Variants in ARF1 observed in about 807,000 individuals in gnomAD.
ARF1 encodes ADP-ribosylation factor 1.
ARF1 carries 1 observed loss-of-function variant against 18.0 expected under a neutral mutation model. That is an observed-to-expected ratio of 0.06 (90% CI 0.02 to 0.26). The LOEUF is 0.26. Among genes scored for constraint, ARF1 ranks in the 10% least tolerant of loss-of-function variants. ARF1 has a pLI of 1.00. For synonymous variants in ARF1, 112 were observed against 96.3 expected (o/e 1.16, Z -0.95); for missense variants, 73 against 247.2 (o/e 0.30, Z 4.73).
chr1:228,096,937 T>G, intron 1 of ARF1, 141 bp from the exon 2 acceptor site: 1 of 717,986 alleles, frequency 1.4e-6, no homozygotes, highest in Non-Finnish European at 2.2e-6. Flanking sequence ...TTGGGGGGCA[T>G]GGGAGGCAGG....
chr1:228,082,991 C>T lies in ARF1; in HGVS notation c.-38+226C>T, dbSNP rs1418577141. The T allele has an allele frequency of 1.3e-5, 2 of 152,502 alleles. No homozygotes were observed. The highest frequency in any genetic ancestry group is 6.5e-5 in the Admixed American group (1 of 15,292). The allele number at this position is 152,502 out of a possible 1,614,324, so 9.4% of individuals were successfully genotyped here. A position where few individuals can be genotyped will look rare whatever the true frequency, so the allele number is the denominator to read the frequency against. ...CGGGCGGGTCGGTGAGCTCCTCGCA[C>T]CCCTCACAGGTTCCCGAAGTCGCTC... is the stretch of plus-strand genomic sequence containing the variant. On this transcript the variant is annotated intron_variant, in intron 1 of 4. Coordinates refer to ENST00000272102, the MANE Select transcript of ARF1 (RefSeq NM_001658.4). The surrounding 1 kb of genome is among the most constrained non-coding windows in gnomAD (Gnocchi z 6.1).
rs1430291117 is a variant in ARF1 at position 228,098,329 on chromosome 1, C to CG, written c.*317dup. 4.5e-6 allele frequency: 1 copy of CG among 221,776 alleles called. No individual in the cohort carries two copies. Among genetic ancestry groups the CG allele is most frequent in the Non-Finnish European group, 8.8e-6 (1 of 114,182 alleles). The allele number at this position is 221,776 out of a possible 1,614,324, so 13.7% of individuals were successfully genotyped here. ...CCATGGGCACCTGGCCTCCAGGAGT[C>CG]GCTGTGTTGGGAGAGCCGGCCACGC... On this transcript the variant is annotated 3_prime_UTR_variant, in exon 5 of 5. Transcript: ENST00000272102.
In ARF1 at chr1:228,097,309, G is replaced by A. The variant is rs781347783; in HGVS notation, c.149-33G>A. 1 of 1,610,866 alleles carries A rather than the reference G, an allele frequency of 6.2e-7. No homozygotes were observed. The highest frequency in any genetic ancestry group is 1.7e-5 in the Admixed American group (1 of 59,910). On this transcript the variant is annotated intron_variant, in intron 2 of 4. Coordinates refer to ENST00000272102, the MANE Select transcript of ARF1 (RefSeq NM_001658.4). This position sits in a 1 kb window ranked among gnomAD's most constrained non-coding sequence, Gnocchi z 8.1. ...AGTGGGCTGGGCTGGGCTGGGCCAA[G>A]GTACAAGGCCTCACCCTGCATCCCG...
chr1:228,086,271 T>G (rs2032395047), intron 1 of ARF1, among the ~76,000 whole-genome samples: 1 of 152,054 alleles, frequency 6.6e-6, no homozygotes, highest in South Asian at 2.1e-4. Flanking sequence ...ATCCCAGCAC[T>G]TTGGGAGGCT....
chr1:228,087,563 C>T (rs1397886378), intron 1 of ARF1, among the ~76,000 whole-genome samples: 2 of 152,062 alleles, frequency 1.3e-5, no homozygotes, highest in Non-Finnish European at 2.9e-5. Context: ...ATCACTTGAA[C>T]CTAGGAGGTC....
At chr1:228,092,621 T>G (rs2032611105) in intron 1 of ARF1, among the ~76,000 whole-genome samples, 1 of 152,212 alleles carries the variant, frequency 6.6e-6, no homozygotes, top group Admixed American at 6.5e-5. Flanking sequence ...TTCAGGTCAC[T>G]TAGAGATTCT....
At chr1:228,085,171 C>T (rs1475888837) in intron 1 of ARF1, among the ~76,000 whole-genome samples, 2 of 152,228 alleles carry the variant, frequency 1.3e-5, no homozygotes, top group African/African-American at 2.4e-5. Context: ...TCCTCATTGG[C>T]GTGGATGGTT....
chr1:228,086,373 A>T (rs550012233), intron 1 of ARF1, among the ~76,000 whole-genome samples: 4 of 152,060 alleles, frequency 2.6e-5, no homozygotes, highest in Non-Finnish European at 4.4e-5. Flanking sequence ...AAAATAGGCC[A>T]GGTGTGGTGG....
At chr1:228,083,684 CTAGGCCGCA>C in intron 1 of ARF1, among the ~76,000 whole-genome samples, 1 of 152,368 alleles carries the variant, frequency 6.6e-6, no homozygotes, top group Middle Eastern at 3.4e-3. Flanking sequence ...CTCGCAGACT[CTAGGCCGCA>C]GAGGCCGGCC....
chr1:228,090,687 C>G (rs961249214), intron 1 of ARF1: 3 of 152,278 alleles, frequency 2.0e-5, no homozygotes, highest in African/African-American at 2.4e-5. Context: ...CTCTGCTGCC[C>G]CTTCCATGTC....
At chr1:228,085,032 C>G (rs758249165) in intron 1 of ARF1, among the ~76,000 whole-genome samples, 19 of 152,204 alleles carry the variant, frequency 1.2e-4, no homozygotes, top group Non-Finnish European at 2.8e-4. Flanking sequence ...TGACCTTTCA[C>G]CTCCGTAAAT....
At chr1:228,091,656 A>G (rs1430824259) in intron 1 of ARF1, among the ~76,000 whole-genome samples, 1 of 152,168 alleles carries the variant, frequency 6.6e-6, no homozygotes, top group Non-Finnish European at 1.5e-5. Flanking sequence ...CCAGCCTGTG[A>G]GATGTGTCTG....
intron 1 of ARF1, among the ~76,000 whole-genome samples, chr1:228,094,850 GGT>G (rs1356882969): frequency 6.6e-6 from 1 of 152,194 alleles, no homozygotes; most frequent in African/African-American, 2.4e-5. Context: ...GGGCATCAGA[GGT>G]GTCATTTGCC....
intron 1 of ARF1, chr1:228,091,091 T>G (rs985446375): frequency 1.3e-5 from 2 of 152,254 alleles, no homozygotes; most frequent in Non-Finnish European, 2.9e-5. Flanking sequence ...CTTTGGTGTT[T>G]ACATTAGCTA....
chr1:228,091,983 G>A (rs2032589956), intron 1 of ARF1, among the ~76,000 whole-genome samples: 1 of 152,150 alleles, frequency 6.6e-6, no homozygotes, highest in Non-Finnish European at 1.5e-5. Context: ...CTGTTGAAAG[G>A]CTGTTGTTCC....
At chr1:228,083,388 G>A (rs1203237377) in intron 1 of ARF1, 1 of 152,388 alleles carries the variant, frequency 6.6e-6, no homozygotes, top group East Asian at 1.9e-4. Context: ...CCGGGTCAGG[G>A]GTGGTGAGAG....
Position 228,089,490 on chromosome 1 carries a change from C to T in ARF1, c.-38+6725C>T, listed in dbSNP as rs3738682. ...GGTTCCCACTCCCATTGTTGCACTT[C>T]GCTTTTGATTTCTCTGGAAGAGCAA... On this transcript the variant is annotated intron_variant, in intron 1 of 4. Coordinates refer to ENST00000272102, the MANE Select transcript of ARF1 (RefSeq NM_001658.4). This position sits in a 1 kb window ranked among gnomAD's most constrained non-coding sequence, Gnocchi z 4.1. Among the ~76,000 whole-genome samples, 168 of 152,300 alleles carry T rather than the reference C, an allele frequency of 1.1e-3. 5 individuals are homozygous for T. The East Asian group carries it at 0.025, about 23-fold the overall frequency.
At position 228,097,460 on chromosome 1, in the gene ARF1, G is replaced by A. The variant is rs781667395; in HGVS notation, c.259+8G>A. 6.2e-6 allele frequency: 10 copies of A among 1,613,734 alleles called. No individual in the cohort carries two copies. In the South Asian group the frequency reaches 1.1e-4, roughly 18 times the overall value. Reference sequence around the variant, plus strand: ...ACTTCCAGAACACACAAGGTAAGTGGCTGGGGCCTGGTCCCATGGGCACTC... The same window carrying A: ...ACTTCCAGAACACACAAGGTAAGTGACTGGGGCCTGGTCCCATGGGCACTC... On this transcript the variant is annotated splice_region_variant and intron_variant, in intron 3 of 4. Transcript: ENST00000272102. The surrounding 1 kb of genome is among the most constrained non-coding windows in gnomAD (Gnocchi z 8.1).
intron 1 of ARF1, among the ~76,000 whole-genome samples, chr1:228,085,519 G>A (rs551805330): frequency 2.0e-5 from 3 of 152,214 alleles, no homozygotes; most frequent in Non-Finnish European, 4.4e-5. Context: ...GAGGCTGGCT[G>A]ATAAGCCATA....
Sources: gnomAD v4.1 joint callset for allele counts (sites outside exome capture counted in the v4.1 genomes callset) on GRCh38, gnomAD v4.1.1 for gene constraint, Gnocchi (gnomAD v3.1) non-coding constraint, MANE v1.5 for transcripts, NCBI Gene and HGNC (gene_info 2026-07-23, HGNC 2026-07-21) for gene names.